SOX6: variants seen among roughly 807,000 people sequenced by gnomAD.
The protein encoded by SOX6 is transcription factor SOX-6.
In SOX6, 11 loss-of-function variants were observed where a neutral mutation model predicts 97.8. The ratio of observed to expected loss-of-function variants is 0.11; its 90% CI spans 0.07 to 0.19. The LOEUF is 0.19. SOX6 is among the 10% of genes least tolerant of loss of function. SOX6 has a pLI of 1.00. For synonymous variants in SOX6, 360 were observed against 371.4 expected (o/e 0.97, Z 0.35); for missense variants, 810 against 1,039.5 (o/e 0.78, Z 3.04).
chr11:15,993,875 T>G (rs943222795), intron 13 of SOX6, among the ~76,000 whole-genome samples: 1 of 152,238 alleles, frequency 6.6e-6, no homozygotes, highest in African/African-American at 2.4e-5. Context: ...GCAATGGTCC[T>G]GAACTAATCC....
intron 4 of SOX6, among the ~76,000 whole-genome samples, chr11:16,514,524 T>C (rs949196869): frequency 6.6e-6 from 1 of 151,990 alleles, no homozygotes; most frequent in Non-Finnish European, 1.5e-5. Context: ...TAATATATAA[T>C]ATTTATTGTG....
chr11:16,075,370 T>C (rs1461471429), intron 9 of SOX6, among the ~76,000 whole-genome samples: 6 of 152,092 alleles, frequency 3.9e-5, no homozygotes, highest in African/African-American at 1.4e-4. Context: ...ATGTTTATTG[T>C]GGCACTGTTC....
intron 4 of SOX6, among the ~76,000 whole-genome samples, chr11:16,551,505 A>G (rs1847685893): frequency 1.3e-5 from 2 of 152,312 alleles, no homozygotes; most frequent in South Asian, 4.1e-4. Flanking sequence ...AAATAGATTC[A>G]CAGCATGTGA....
intron 4 of SOX6, among the ~76,000 whole-genome samples, chr11:16,536,714 G>C (rs541638768): frequency 6.6e-6 from 1 of 152,216 alleles, no homozygotes; most frequent in African/African-American, 2.4e-5. Context: ...ACAGCAGTCT[G>C]AGATCAACCT....
intron 6 of SOX6, among the ~76,000 whole-genome samples, chr11:16,173,421 T>C (rs1354201222): frequency 1.3e-5 from 2 of 151,868 alleles, no homozygotes; most frequent in Non-Finnish European, 2.9e-5. Flanking sequence ...TCCATATCAA[T>C]GCAGTATCTT....
intron 3 of SOX6, among the ~76,000 whole-genome samples, chr11:16,649,657 C>T (rs977179889): frequency 4.0e-5 from 6 of 151,876 alleles, no homozygotes; most frequent in Non-Finnish European, 7.4e-5. Context: ...TCAAAATACA[C>T]CAAAACAGAA....
chr11:16,500,771 C>T (rs1860692919), intron 4 of SOX6, among the ~76,000 whole-genome samples: 1 of 152,114 alleles, frequency 6.6e-6, no homozygotes, highest in African/African-American at 2.4e-5. Context: ...AGGACCTCAT[C>T]AAGGAGAACC....
At chr11:16,612,831 C>G (rs1848415557) in intron 3 of SOX6, among the ~76,000 whole-genome samples, 1 of 152,128 alleles carries the variant, frequency 6.6e-6, no homozygotes, top group Non-Finnish European at 1.5e-5. Context: ...CAGCTGGAAT[C>G]TGGGAACCTT....
chr11:16,207,632 A>C (rs555385761), intron 4 of SOX6, among the ~76,000 whole-genome samples: 10 of 152,122 alleles, frequency 6.6e-5, no homozygotes, highest in African/African-American at 2.4e-4. Context: ...TCATTTATTT[A>C]ACAAATATTT....
intron 1 of SOX6, among the ~76,000 whole-genome samples, chr11:16,436,673 G>A (rs561568066): frequency 6.6e-6 from 1 of 152,134 alleles, no homozygotes; most frequent in Admixed American, 6.5e-5. Flanking sequence ...AATAGGTTTT[G>A]TAATAATAAT....
intron 6 of SOX6, among the ~76,000 whole-genome samples, chr11:16,153,673 T>C (rs185659987): frequency 3.3e-5 from 5 of 152,282 alleles, no homozygotes; most frequent in African/African-American, 7.2e-5. Flanking sequence ...CATCGAACTC[T>C]GGTCTCCCTG....
chr11:16,212,914 T>C (rs1852268434), intron 4 of SOX6, among the ~76,000 whole-genome samples: 1 of 152,210 alleles, frequency 6.6e-6, no homozygotes, highest in South Asian at 2.1e-4. Flanking sequence ...AGGCCAGGTC[T>C]GTCTGTTCAA....
chr11:16,031,192 A>G (rs1855363432), intron 12 of SOX6, among the ~76,000 whole-genome samples: 1 of 152,180 alleles, frequency 6.6e-6, no homozygotes, highest in African/African-American at 2.4e-5. Flanking sequence ...CATCAAGACT[A>G]AATTCCTTCT....
At chr11:16,494,104 C>T (rs537113037) in intron 4 of SOX6, among the ~76,000 whole-genome samples, 19 of 152,166 alleles carry the variant, frequency 1.2e-4, no homozygotes, top group South Asian at 1.0e-3. Context: ...AGGCCAGGCA[C>T]TGTGGCTCAT....
chr11:16,031,316 A>C (rs1206604404), intron 12 of SOX6: 1 of 152,190 alleles, frequency 6.6e-6, no homozygotes. Context: ...TTATTTTATA[A>C]ATTTAACTTT....
At chr11:16,563,995 C>G (rs1181746793) in intron 4 of SOX6, among the ~76,000 whole-genome samples, 1 of 152,068 alleles carries the variant, frequency 6.6e-6, no homozygotes, top group Non-Finnish European at 1.5e-5. Context: ...ACCCAAAATC[C>G]TATACCCAAT....
intron 2 of SOX6, among the ~76,000 whole-genome samples, chr11:16,338,155 T>C (rs1172058340): frequency 6.6e-6 from 1 of 152,082 alleles, no homozygotes; most frequent in African/African-American, 2.4e-5. Context: ...AAAATTATTG[T>C]TATTTTTTAG....
intron 4 of SOX6, among the ~76,000 whole-genome samples, chr11:16,509,548 AC>A (rs1220218886): frequency 6.6e-6 from 1 of 152,044 alleles, no homozygotes; most frequent in Non-Finnish European, 1.5e-5. Flanking sequence ...ATATTGTTGG[AC>A]AAAAAAAGAT....
intron 6 of SOX6, among the ~76,000 whole-genome samples, chr11:16,132,746 T>C (rs987139075): frequency 6.6e-6 from 1 of 151,770 alleles, no homozygotes; most frequent in Non-Finnish European, 1.5e-5. Context: ...ATGACAGCCT[T>C]GTCCTACCTG....
Sources: gnomAD v4.1 joint callset for allele counts (sites outside exome capture counted in the v4.1 genomes callset) on GRCh38, gnomAD v4.1.1 for gene constraint, MANE v1.5 for transcripts, NCBI Gene and HGNC (gene_info 2026-07-23, HGNC 2026-07-21) for gene names.